RSF1: variants seen among roughly 807,000 people sequenced by gnomAD.
RSF1 encodes remodeling and spacing factor 1.
Under a neutral mutation model 145.2 loss-of-function variants are expected in RSF1, and 13 were observed. The ratio of observed to expected loss-of-function variants is 0.09; its 90% confidence interval spans 0.06 to 0.14. RSF1 has a LOEUF of 0.14. Among genes scored for constraint, RSF1 ranks in the 10% least tolerant of loss-of-function variants. The pLI is 1.00. For synonymous variants in RSF1, 577 were observed against 592.6 expected (o/e 0.97, Z 0.38); for missense variants, 1,517 against 1,718.2 (o/e 0.88, Z 2.07).
intron 5 of RSF1, among the ~76,000 whole-genome samples, chr11:77,721,604 A>G (rs1960941901): frequency 6.6e-6 from 1 of 152,226 alleles, no homozygotes; most frequent in Non-Finnish European, 1.5e-5. Context: ...AAGTAATAAT[A>G]TTACACTACT....
the RSF1 span, among the ~76,000 whole-genome samples, chr11:77,849,122 G>C: frequency 1.3e-5 from 2 of 150,992 alleles, no homozygotes; most frequent in Non-Finnish European, 2.9e-5. Context: ...CTGTAGCCTT[G>C]ATCTCCCAGG....
At chr11:77,813,683 T>C (rs760502770) in intron 1 of RSF1, 3 of 494,928 alleles carry the variant, frequency 6.1e-6, no homozygotes, top group Non-Finnish European at 1.1e-5. Flanking sequence ...CCATAGCTGC[T>C]GCACGGCTTC....
At chr11:77,842,388 C>T in the RSF1 span, 1 of 1,210,380 alleles carries the variant, frequency 8.3e-7, no homozygotes, top group Non-Finnish European at 1.1e-6. Context: ...CTTCTTAAAT[C>T]ATGGAGAATC....
chr11:77,723,304 A>C (rs1273974476), intron 5 of RSF1, among the ~76,000 whole-genome samples: 2 of 152,146 alleles, frequency 1.3e-5, no homozygotes, highest in Non-Finnish European at 2.9e-5. Context: ...AAAAATAAAA[A>C]ATGAAAACTA....
chr11:77,786,025 G>A (rs757651959), intron 1 of RSF1, among the ~76,000 whole-genome samples: 5 of 145,506 alleles, frequency 3.4e-5, no homozygotes, highest in Non-Finnish European at 6.0e-5. Flanking sequence ...ATATCATATC[G>A]TATAGTGGAT....
At chr11:77,807,822 C>G (rs1017283081) in intron 1 of RSF1, among the ~76,000 whole-genome samples, 1 of 152,006 alleles carries the variant, frequency 6.6e-6, no homozygotes, top group Admixed American at 6.6e-5. Context: ...TAATGACACA[C>G]GATTATCATA....
rs1200452500 is a variant in RSF1, at chr11:77,676,967, T to G, written c.3166A>C (p.Thr1056Pro). The change falls in exon 13 of 16, where the codon ACA (threonine) becomes CCA (proline). Residue 1056 changes from threonine to proline, a missense_variant. Physicochemically the swap from Thr to Pro is conservative, Grantham distance 38. This residue lies in a region of RSF1 where 231 missense variants were observed against 276.6 expected (regional missense o/e 0.84). Transcript: ENST00000308488. ...VGRGKDISTI[T>P]GHRGKDISTI... ...GAGATGTCTTTCCCACGATGACCTG[T>G]GATGGTGGAGATATCTTTTCCTCGG... is the stretch of plus-strand genomic sequence containing the variant. The G allele has an allele frequency of 6.2e-7, 1 of 1,613,444 alleles. No individual in the cohort carries two copies. Among genetic ancestry groups the G allele is most frequent in the Non-Finnish European group, 8.5e-7 (1 of 1,179,734 alleles).
intron 2 of RSF1, chr11:77,763,049 T>C (rs1590873129): frequency 6.6e-6 from 1 of 151,850 alleles, no homozygotes; most frequent in Non-Finnish European, 1.5e-5. Context: ...CATAAAAGAT[T>C]AAAAGAAGCC....
intron 6 of RSF1, among the ~76,000 whole-genome samples, chr11:77,700,093 C>T (rs1960378076): frequency 2.0e-5 from 3 of 152,040 alleles, no homozygotes; most frequent in Admixed American, 2.0e-4. Context: ...TGGCTCACGC[C>T]TGTAATCCCA....
intron 13 of RSF1, among the ~76,000 whole-genome samples, 200 bp downstream of exon 13, chr11:77,676,592 A>G (rs1394292686): frequency 6.6e-6 from 1 of 152,206 alleles, no homozygotes; most frequent in Non-Finnish European, 1.5e-5. Flanking sequence ...AACAACCATA[A>G]ATCTATTTTC....
intron 12 of RSF1, among the ~76,000 whole-genome samples, chr11:77,677,619 G>C (rs1959743436): frequency 6.6e-6 from 1 of 152,132 alleles, no homozygotes; most frequent in South Asian, 2.1e-4. Flanking sequence ...TTGGCTAATA[G>C]TGCTTTAATT....
chr11:77,669,901 G>A (rs1209138585), intron 15 of RSF1, among the ~76,000 whole-genome samples: 1 of 152,208 alleles, frequency 6.6e-6, no homozygotes, highest in Non-Finnish European at 1.5e-5. Flanking sequence ...GCCAAGGTAG[G>A]GGGGATCACT....
chr11:77,820,414 G>A, intron 1 of RSF1, 114 bp downstream of exon 1: 2 of 1,137,116 alleles, frequency 1.8e-6, no homozygotes, highest in Non-Finnish European at 2.4e-6. Flanking sequence ...GCGTCCCAGG[G>A]GGAAGACAGA....
At chr11:77,736,689 A>G (rs1961361132) in intron 4 of RSF1, among the ~76,000 whole-genome samples, 1 of 152,226 alleles carries the variant, frequency 6.6e-6, no homozygotes, top group Non-Finnish European at 1.5e-5. Context: ...CATCTCACTT[A>G]TAATATGCAT....
intron 4 of RSF1, chr11:77,734,554 T>C: frequency 6.4e-7 from 1 of 1,553,306 alleles, no homozygotes; most frequent in African/African-American, 1.3e-5. Flanking sequence ...TGCTCCCATC[T>C]TGTGCAAGTT....
chr11:77,799,784 T>C (rs1430974264), intron 1 of RSF1, among the ~76,000 whole-genome samples: 1 of 152,078 alleles, frequency 6.6e-6, no homozygotes, highest in Non-Finnish European at 1.5e-5. Context: ...TGAAGAAAAA[T>C]AGAAGACTCA....
At chr11:77,673,827 A>G (rs551079868) in intron 14 of RSF1, among the ~76,000 whole-genome samples, 138 of 152,312 alleles carry the variant, frequency 9.1e-4, no homozygotes, top group African/African-American at 3.2e-3. Flanking sequence ...TCACAAGGAA[A>G]CAAAAGAAAT....
At chr11:77,782,687 A>ATATT (rs954254535) in intron 1 of RSF1, among the ~76,000 whole-genome samples, 4 of 152,220 alleles carry the variant, frequency 2.6e-5, no homozygotes, top group African/African-American at 7.2e-5. Flanking sequence ...AGAAAACATA[A>ATATT]TATTTTGACA....
rs978933219 is a variant in RSF1 at position 77,701,106 on chromosome 11, T to C, written c.2123A>G (p.Tyr708Cys). The C allele has an allele frequency of 3.1e-6, 5 of 1,613,444 alleles. No homozygotes were observed. Among genetic ancestry groups the C allele is most frequent in the African/African-American group, 1.3e-5 (1 of 74,810 alleles). ...GGTTTCTTCTTCAGGAACCAACTTA[T>C]ATTTGAATTTGCTTTTTTGCATAGA... ...KGSMQKSKFK[Y>C]KLVPEEETTA... is the part of the protein sequence containing the mutation. Residue 708 changes from tyrosine (Y) to cysteine (C), a missense_variant, in exon 6 of 16, where the codon TAT (tyrosine) becomes TGT (cysteine). Transcript: ENST00000308488.
Sources: gnomAD v4.1 joint callset for allele counts (sites outside exome capture counted in the v4.1 genomes callset) on GRCh38, gnomAD v4.1.1 for gene constraint, gnomAD v4.1.1 regional missense constraint, MANE v1.5 for transcripts, NCBI Gene and HGNC (gene_info 2026-07-23, HGNC 2026-07-21) for gene names.